Variants in PDS5B observed in about 807,000 individuals in gnomAD.
PDS5B encodes sister chromatid cohesion protein PDS5 homolog B.
Under a neutral mutation model 184.1 loss-of-function variants are expected in PDS5B, and 51 were observed. The observed-to-expected ratio is 0.28, with a 90% CI of 0.22 to 0.35. The LOEUF is 0.35. PDS5B is among the 10% of genes least tolerant of loss of function. The pLI, the probability that PDS5B is intolerant of heterozygous loss-of-function variation, is 1.00. For missense variants in PDS5B, 1,180 were observed against 1,723.3 expected (o/e 0.68, Z 5.58); for synonymous variants, 566 against 569.2 (o/e 0.99, Z 0.08).
intron 6 of PDS5B, among the ~76,000 whole-genome samples, chr13:32,667,019 G>A (rs1950815568): frequency 6.6e-6 from 1 of 152,004 alleles, no homozygotes; most frequent in East Asian, 1.9e-4. Context: ...ACAGCAGTTA[G>A]TATGAATGAA....
chr13:32,664,111 C>T (rs1433569705), intron 6 of PDS5B, among the ~76,000 whole-genome samples: 2 of 152,136 alleles, frequency 1.3e-5, no homozygotes, highest in African/African-American at 2.4e-5. Flanking sequence ...TCTTTATCCA[C>T]TCATCAGTCA....
intron 2 of PDS5B, 23 bp downstream of exon 2, chr13:32,648,903 T>A (rs1485661298): frequency 9.6e-7 from 1 of 1,043,162 alleles, no homozygotes; most frequent in Non-Finnish European, 1.5e-6. Context: ...CTATTCTTTT[T>A]TACATCTGTG....
intron 1 of PDS5B, among the ~76,000 whole-genome samples, chr13:32,613,757 G>A (rs907861408): frequency 2.0e-5 from 3 of 152,110 alleles, no homozygotes; most frequent in African/African-American, 7.2e-5. Flanking sequence ...TGTTTAACCT[G>A]TTTTTGCTAT....
At chr13:32,612,359 T>C (rs929089240) in intron 1 of PDS5B, among the ~76,000 whole-genome samples, 1 of 152,180 alleles carries the variant, frequency 6.6e-6, no homozygotes, top group African/African-American at 2.4e-5. Context: ...TGAGCCACCA[T>C]GCCCGGCCCA....
At chr13:32,672,986 G>A (rs1450223975) in intron 7 of PDS5B, among the ~76,000 whole-genome samples, 3 of 152,176 alleles carry the variant, frequency 2.0e-5, no homozygotes, top group Non-Finnish European at 4.4e-5. Context: ...TATTTGAAAA[G>A]TAGAATGTTT....
At chr13:32,635,320 G>C (rs2058530268) in intron 1 of PDS5B, among the ~76,000 whole-genome samples, 1 of 146,480 alleles carries the variant, frequency 6.8e-6, no homozygotes, top group African/African-American at 2.5e-5. Flanking sequence ...TTACAGGTGT[G>C]AGCCACTATG....
rs542734172 is a variant in PDS5B at position 32,619,926 on chromosome 13, G to A, written c.-19-28828G>A. On this transcript the variant is annotated intron_variant, in intron 1 of 34. Transcript: ENST00000315596. ...TGATTCTCCTGCTTCAGCCTCCCTCGTAGCTGGGATTACAGGGGCCCGCAA... is the reference window on the plus strand; with the variant it reads ...TGATTCTCCTGCTTCAGCCTCCCTCATAGCTGGGATTACAGGGGCCCGCAA... 4.6e-5 allele frequency among the ~76,000 whole-genome samples: 7 copies of A among 152,082 alleles called. No individual in the cohort carries two copies. In the East Asian group the frequency reaches 1.2e-3, roughly 25 times the overall value.
chr13:32,734,102 A>G (rs1953230840), intron 20 of PDS5B, among the ~76,000 whole-genome samples: 1 of 150,640 alleles, frequency 6.6e-6, no homozygotes, highest in African/African-American at 2.5e-5. Flanking sequence ...ATCTCTGCTC[A>G]CTGCAACCTC....
chr13:32,701,940 C>T (rs1367507025), intron 17 of PDS5B, among the ~76,000 whole-genome samples: 1 of 151,982 alleles, frequency 6.6e-6, no homozygotes, highest in African/African-American at 2.4e-5. Context: ...TTTGATACTA[C>T]CTGTGAGAAG....
chr13:32,699,147 A>G (rs1479267687), intron 15 of PDS5B, among the ~76,000 whole-genome samples: 2 of 152,224 alleles, frequency 1.3e-5, no homozygotes, highest in Non-Finnish European at 2.9e-5. Flanking sequence ...AAGTATTTTG[A>G]TACATAGACA....
chr13:32,643,117 G>C lies in PDS5B; in HGVS notation c.-19-5637G>C, dbSNP rs183698410. Among the ~76,000 whole-genome samples the C allele has an allele frequency of 8.0e-4, 122 of 152,204 alleles. No homozygotes were observed. In the Middle Eastern group the frequency reaches 0.014, roughly 17 times the overall value. On this transcript the variant is annotated intron_variant, in intron 1 of 34. Coordinates refer to ENST00000315596, the MANE Select transcript of PDS5B (RefSeq NM_015032.4). Reference sequence around the variant, plus strand: ...TATTTGTTTTTATGAATCATGAACAGCTTTTGTCTCTGAAATAAGGCAGAG... The same window carrying C: ...TATTTGTTTTTATGAATCATGAACACCTTTTGTCTCTGAAATAAGGCAGAG...
At position 32,611,232 on chromosome 13, in the gene PDS5B, C is replaced by T. The variant is rs114557204; in HGVS notation, c.-20+24639C>T. Among the ~76,000 whole-genome samples, 651 of 152,052 alleles carry T rather than the reference C, an allele frequency of 4.3e-3. 7 individuals carry two copies. Among genetic ancestry groups the T allele is most frequent in the African/African-American group, 0.015 (607 of 41,490 alleles). ...CCCAAATCAGCATCTGATGTTTTAC[C>T]TCATTTCTCATTTTCATTCACTGAT... On this transcript the variant is annotated intron_variant, in intron 1 of 34. Coordinates refer to ENST00000315596, the MANE Select transcript of PDS5B (RefSeq NM_015032.4).
intron 33 of PDS5B, among the ~76,000 whole-genome samples, chr13:32,772,022 CT>C (rs1197888832): frequency 1.3e-5 from 2 of 151,346 alleles, no homozygotes; most frequent in African/African-American, 2.4e-5. Context: ...CTGGGAAGCT[CT>C]TTCTAGAGCT....
At chr13:32,597,839 G>C (rs1380134807) in intron 1 of PDS5B, among the ~76,000 whole-genome samples, 3 of 145,780 alleles carry the variant, frequency 2.1e-5, no homozygotes, top group African/African-American at 5.1e-5. Context: ...GCGAGACTCT[G>C]TCTCAAAAAA....
intron 1 of PDS5B, among the ~76,000 whole-genome samples, chr13:32,623,804 A>T (rs750524418): frequency 8.7e-5 from 13 of 150,176 alleles, no homozygotes; most frequent in Non-Finnish European, 1.6e-4. Flanking sequence ...TTTATAATCT[A>T]TTCCTTTTTT....
In PDS5B at chr13:32,709,942, A is replaced by G. The variant is rs751072675; in HGVS notation, c.1963-4A>G. 118 of 1,356,604 alleles carry G rather than the reference A, an allele frequency of 8.7e-5. No homozygotes were observed. The highest frequency in any genetic ancestry group is 1.0e-4 in the Non-Finnish European group (108 of 1,032,576). 84.0% of individuals were successfully genotyped at this position (1,356,604 alleles called of 1,614,324 possible). Reference sequence around the variant, plus strand: ...ACAAATCATTTTTATGATTCATTTTATAGGTACTCTCATTTACACATCCCA... The same window carrying G: ...ACAAATCATTTTTATGATTCATTTTGTAGGTACTCTCATTTACACATCCCA... On this transcript the variant is annotated splice_region_variant and splice_polypyrimidine_tract_variant and intron_variant, in intron 18 of 34. Transcript: ENST00000315596.
At position 32,611,502 on chromosome 13, in the gene PDS5B, A is replaced by C. The variant is rs868834695; in HGVS notation, c.-20+24909A>C. ...TGATCATTTTATTACTTTGGTTAAA[A>C]CTTTTTTTTTTTTTTTTTTTTTGGA... On this transcript the variant is annotated intron_variant, in intron 1 of 34. Transcript: ENST00000315596. 4.9e-3 allele frequency among the ~76,000 whole-genome samples: 644 copies of C among 130,440 alleles called. 7 individuals are homozygous for C. Among genetic ancestry groups the C allele is most frequent in the African/African-American group, 0.017 (589 of 35,160 alleles). The allele number at this position is 130,440 out of a possible 152,430, so 85.6% of individuals were successfully genotyped here. A position where few individuals can be genotyped will look rare whatever the true frequency, so the allele number is the denominator to read the frequency against.
chr13:32,664,323 G>A (rs1036821492), intron 6 of PDS5B, among the ~76,000 whole-genome samples: 1 of 152,186 alleles, frequency 6.6e-6, no homozygotes, highest in African/African-American at 2.4e-5. Context: ...AGAAGGTTGT[G>A]AGACATAAGG....
chr13:32,688,092 G>C (rs1051772349), intron 12 of PDS5B, among the ~76,000 whole-genome samples: 3 of 152,038 alleles, frequency 2.0e-5, no homozygotes, highest in African/African-American at 7.2e-5. Context: ...AAATGCAAAA[G>C]AATCTTAAGA....
Sources: allele counts gnomAD v4.1 joint callset (sites outside exome capture counted in the v4.1 genomes callset), GRCh38; gene constraint gnomAD v4.1.1; transcripts MANE v1.5; gene names NCBI Gene and HGNC (gene_info 2026-07-23, HGNC 2026-07-21).